Variants in TNR observed in about 807,000 individuals in gnomAD.
TNR encodes the protein tenascin-R.
A neutral mutation model predicts 150.4 loss-of-function variants in TNR; 45 were observed. The observed-to-expected ratio is 0.30, with a 90% CI of 0.24 to 0.38. The LOEUF is 0.38. TNR is among the 10% of genes least tolerant of loss of function. The pLI, the probability that TNR is intolerant of heterozygous loss-of-function variation, is 1.00. For synonymous variants in TNR, 687 were observed against 678.4 expected, an observed-to-expected ratio of 1.01 and a Z score of -0.20; for missense variants, 1,544 against 1,759.1, an observed-to-expected ratio of 0.88 and a Z score of 2.19.
At chr1:175,435,359 T>C (rs111908863) in intron 2 of TNR, among the ~76,000 whole-genome samples, 113 of 152,298 alleles carry the variant, frequency 7.4e-4, no homozygotes, top group African/African-American at 2.7e-3. Flanking sequence ...AAGTAAAAGA[T>C]AGTGCCAGAT....
intron 1 of TNR, among the ~76,000 whole-genome samples, chr1:175,571,666 C>A (rs1264314830): frequency 6.6e-6 from 1 of 152,196 alleles, no homozygotes; most frequent in Non-Finnish European, 1.5e-5. Context: ...ATTTTTCACT[C>A]CATGTCCTTC....
chr1:175,372,244 C>T (rs549275482), intron 9 of TNR, among the ~76,000 whole-genome samples: 1 of 152,334 alleles, frequency 6.6e-6, no homozygotes, highest in East Asian at 1.9e-4. Flanking sequence ...CCAGTCAAAC[C>T]TCCTTTCTTT....
At chr1:175,644,624 G>A (rs900716928) in intron 1 of TNR, among the ~76,000 whole-genome samples, 11 of 152,252 alleles carry the variant, frequency 7.2e-5, no homozygotes, top group African/African-American at 2.7e-4. Context: ...GTGGCACTGA[G>A]GATCTGTGTC....
chr1:175,737,893 T>C (rs887487207), intron 1 of TNR, among the ~76,000 whole-genome samples: 1 of 152,124 alleles, frequency 6.6e-6, no homozygotes, highest in African/African-American at 2.4e-5. Flanking sequence ...CATTATGAAG[T>C]TTCACCTTGT....
chr1:175,433,485 G>A (rs1223640547), intron 2 of TNR, among the ~76,000 whole-genome samples: 2 of 152,202 alleles, frequency 1.3e-5, no homozygotes, highest in African/African-American at 4.8e-5. Flanking sequence ...ACTTTGGGGA[G>A]TTAGGGGATG....
intron 7 of TNR, among the ~76,000 whole-genome samples, chr1:175,389,962 A>C (rs1653097730): frequency 6.6e-6 from 1 of 152,250 alleles, no homozygotes. Context: ...TTTAAAGGAC[A>C]AAAATCTTAA....
At position 175,319,142 on chromosome 1, in the gene TNR, A is replaced by T. The variant is rs1648921365; in HGVS notation, c.*4215T>A. On this transcript the variant is annotated 3_prime_UTR_variant, in exon 23 of 23. Transcript: ENST00000367674. Reference sequence around the variant, plus strand: ...CAGTAGAATACCATATATCCTGGGCATGTGGCCCCACCTTTCCTGAAATTC... The same window carrying T: ...CAGTAGAATACCATATATCCTGGGCTTGTGGCCCCACCTTTCCTGAAATTC... 1 of 152,240 alleles carries T rather than the reference A, an allele frequency of 6.6e-6. No homozygotes were observed. 9.4% of individuals were successfully genotyped at this position (152,240 alleles called of 1,614,324 possible). A position where few individuals can be genotyped will look rare whatever the true frequency, so the allele number is the denominator to read the frequency against.
intron 1 of TNR, among the ~76,000 whole-genome samples, chr1:175,733,417 G>A (rs865806613): frequency 1.4e-4 from 21 of 152,284 alleles, no homozygotes; most frequent in Middle Eastern, 3.4e-3. Context: ...GCTTGGGAGG[G>A]CTCTGTTGGG....
In TNR at chr1:175,320,029, G is replaced by C. The variant is rs1192636681; in HGVS notation, c.*3328C>G. On this transcript the variant is annotated 3_prime_UTR_variant, in exon 23 of 23. Transcript: ENST00000367674. ...AAAAAGGGAAACTGCCTGGACCTTGGGTCTAGACAGTGAATCTATTGCAGT... is the reference window on the plus strand; with the variant it reads ...AAAAAGGGAAACTGCCTGGACCTTGCGTCTAGACAGTGAATCTATTGCAGT... 1 of 152,228 alleles carries C rather than the reference G, an allele frequency of 6.6e-6. No individual in the cohort carries two copies. The allele number at this position is 152,228 out of a possible 1,614,324, so 9.4% of individuals were successfully genotyped here.
chr1:175,360,898 A>G (rs1164448945), intron 14 of TNR, among the ~76,000 whole-genome samples: 4 of 152,184 alleles, frequency 2.6e-5, no homozygotes, highest in Non-Finnish European at 5.9e-5. Context: ...TAAAACCACA[A>G]CAAACATACA....
chr1:175,460,227 A>C (rs1463291732), intron 2 of TNR, among the ~76,000 whole-genome samples: 2 of 152,150 alleles, frequency 1.3e-5, no homozygotes, highest in African/African-American at 4.8e-5. Context: ...AATGGGAAGC[A>C]AAGTGACACG....
intron 2 of TNR, among the ~76,000 whole-genome samples, chr1:175,500,322 G>A (rs1293636675): frequency 3.3e-5 from 5 of 152,166 alleles, no homozygotes; most frequent in South Asian, 2.1e-4. Context: ...TACAAGTCAC[G>A]TTCTCCTCAG....
intron 1 of TNR, among the ~76,000 whole-genome samples, chr1:175,551,349 C>G (rs2861313): frequency 0.68 from 102,665 of 152,022 alleles, 35,009 homozygotes; most frequent in Admixed American, 0.76. Flanking sequence ...AGCCCTCAGT[C>G]TCAAAAAAGT....
At position 175,533,469 on chromosome 1, in the gene TNR, C is replaced by A. The variant is rs138488637; in HGVS notation, c.-164-5100G>T. The stretch of plus-strand genomic sequence containing the variant: ...CTTCCTCCCCACTCACCCGACACCA[C>A]CCTGTTTTGTAAATCCAGGGAAGGG... On this transcript the variant is annotated intron_variant, in intron 1 of 22. Transcript: ENST00000367674. 5.3e-3 allele frequency among the ~76,000 whole-genome samples: 804 copies of A among 152,300 alleles called. 7 individuals are homozygous for A. The highest frequency in any genetic ancestry group is 4.1e-3 in the Non-Finnish European group (282 of 68,028).
At chr1:175,399,264 A>G (rs1399295448) in intron 4 of TNR, among the ~76,000 whole-genome samples, 1 of 152,164 alleles carries the variant, frequency 6.6e-6, no homozygotes, top group African/African-American at 2.4e-5. Context: ...AGAAATGGCC[A>G]CTCCAAATTT....
chr1:175,673,261 A>T (rs1665759014), intron 1 of TNR, among the ~76,000 whole-genome samples: 1 of 152,208 alleles, frequency 6.6e-6, no homozygotes, highest in African/African-American at 2.4e-5. Flanking sequence ...TCAATGGATG[A>T]TTAGAGAATG....
intron 2 of TNR, among the ~76,000 whole-genome samples, chr1:175,427,183 C>T (rs1315292472): frequency 6.6e-6 from 1 of 150,824 alleles, no homozygotes; most frequent in Non-Finnish European, 1.5e-5. Flanking sequence ...TTTCATGACC[C>T]ACCAAGACAT....
At chr1:175,342,651 G>T (rs1650578658) in intron 18 of TNR, among the ~76,000 whole-genome samples, 1 of 152,232 alleles carries the variant, frequency 6.6e-6, no homozygotes, top group African/African-American at 2.4e-5. Flanking sequence ...CCCAGGAGGA[G>T]AGTGACAATA....
chr1:175,526,513 C>T (rs573222031), intron 2 of TNR, among the ~76,000 whole-genome samples: 60 of 152,258 alleles, frequency 3.9e-4, no homozygotes, highest in Admixed American at 2.5e-3. Context: ...GGCTGCAAAA[C>T]GGGAGAAAGT....
Sources: gnomAD v4.1 joint callset for allele counts (sites outside exome capture counted in the v4.1 genomes callset) on GRCh38, gnomAD v4.1.1 for gene constraint, MANE v1.5 for transcripts, NCBI Gene and HGNC (gene_info 2026-07-23, HGNC 2026-07-21) for gene names.